The following STK39 variants were observed in gnomAD, a reference collection of about 807,000 sequenced individuals.
The protein encoded by STK39 is STE20/SPS1-related proline-alanine-rich protein kinase.
In STK39, 20 loss-of-function variants were observed where a neutral mutation model predicts 77.8. That is an observed-to-expected ratio of 0.26 (90% confidence interval 0.18 to 0.37). STK39 has a LOEUF of 0.37. STK39 is among the 10% of genes least tolerant of loss of function. The pLI, the probability that STK39 is intolerant of heterozygous loss-of-function variation, is 1.00. For missense variants in STK39, 479 were observed against 656.5 expected (o/e 0.73, Z 2.95); for synonymous variants, 246 against 234.1 (o/e 1.05, Z -0.47).
intron 1 of STK39, among the ~76,000 whole-genome samples, chr2:168,214,006 T>C (rs1689960216): frequency 6.6e-6 from 1 of 152,044 alleles, no homozygotes; most frequent in Non-Finnish European, 1.5e-5. Flanking sequence ...TAATGTTGTG[T>C]GGAAAAAGGC....
chr2:168,203,793 C>A (rs112282479), intron 1 of STK39, among the ~76,000 whole-genome samples: 31 of 152,226 alleles, frequency 2.0e-4, no homozygotes, highest in Non-Finnish European at 4.1e-4. Flanking sequence ...GGGGTTTCAC[C>A]ATACTGGTCA....
In STK39 at chr2:168,138,831, C is replaced by T. The variant is rs1035686622; in HGVS notation, c.841-610G>A. Among the ~76,000 whole-genome samples the T allele has an allele frequency of 3.3e-5, 5 of 152,148 alleles. No homozygotes were observed. In the East Asian group the frequency reaches 9.6e-4, roughly 29 times the overall value. On this transcript the variant is annotated intron_variant, in intron 7 of 17. Coordinates refer to ENST00000355999, the MANE Select transcript of STK39 (RefSeq NM_013233.3). ...ACTGTCATCAAATCCAAAGTCCTTG[C>T]TGCTTTCGGAGGGGGACAAAACAAA...
chr2:167,994,053 A>G (rs1683768359), intron 16 of STK39, among the ~76,000 whole-genome samples: 1 of 152,216 alleles, frequency 6.6e-6, no homozygotes, highest in Admixed American at 6.5e-5. Context: ...TTCATATGTC[A>G]TTCTGGAATA....
At chr2:168,019,026 A>G (rs558911542) in intron 14 of STK39, among the ~76,000 whole-genome samples, 28 of 152,080 alleles carry the variant, frequency 1.8e-4, no homozygotes, top group Admixed American at 1.8e-3. Flanking sequence ...CCGAGATATG[A>G]GAGCCTTGGA....
chr2:168,064,415 G>A (rs953854968), intron 13 of STK39, among the ~76,000 whole-genome samples: 2 of 152,046 alleles, frequency 1.3e-5, no homozygotes, highest in African/African-American at 2.4e-5. Context: ...GACCTAAACC[G>A]AATCCTGACT....
At chr2:168,093,712 C>T (rs1334864924) in intron 10 of STK39, among the ~76,000 whole-genome samples, 2 of 152,184 alleles carry the variant, frequency 1.3e-5, no homozygotes, top group Non-Finnish European at 2.9e-5. Flanking sequence ...CAACCTGACC[C>T]CTGCTTCCAG....
intron 16 of STK39, among the ~76,000 whole-genome samples, chr2:167,966,349 C>T (rs1054546435): frequency 2.0e-5 from 3 of 152,188 alleles, no homozygotes; most frequent in Non-Finnish European, 2.9e-5. Context: ...TGTCAGGGCA[C>T]TCTGACTACA....
intron 16 of STK39, among the ~76,000 whole-genome samples, chr2:168,005,891 T>C (rs1684121262): frequency 6.6e-6 from 1 of 152,182 alleles, no homozygotes; most frequent in African/African-American, 2.4e-5. Context: ...CATGGGGGCA[T>C]GAACAATAGT....
At chr2:168,075,281 T>C (rs201468110) in intron 10 of STK39, 50 bp from the exon 11 acceptor site, 6 of 1,607,842 alleles carry the variant, frequency 3.7e-6, no homozygotes, top group African/African-American at 1.3e-5. Flanking sequence ...ATGTGAACCA[T>C]TTCACTGGTG....
At chr2:167,983,498 AAGG>A (rs1283579738) in intron 16 of STK39, among the ~76,000 whole-genome samples, 7 of 142,086 alleles carry the variant, frequency 4.9e-5, no homozygotes, top group Non-Finnish European at 9.0e-5. Context: ...GGAAGGAAGG[AAGG>A]AAGGAAGGAA....
chr2:168,159,068 A>G (rs1688505654), intron 5 of STK39, among the ~76,000 whole-genome samples: 1 of 152,186 alleles, frequency 6.6e-6, no homozygotes, highest in Non-Finnish European at 1.5e-5. Flanking sequence ...TTCCCCTAAA[A>G]AAAAACAAAA....
At chr2:168,195,491 G>T (rs1689445675) in intron 1 of STK39, among the ~76,000 whole-genome samples, 1 of 152,172 alleles carries the variant, frequency 6.6e-6, no homozygotes, top group Non-Finnish European at 1.5e-5. Flanking sequence ...ATAAAGTCTG[G>T]TCGGTGGCCA....
At chr2:168,099,746 T>C (rs1686771199) in intron 10 of STK39, among the ~76,000 whole-genome samples, 1 of 152,232 alleles carries the variant, frequency 6.6e-6, no homozygotes, top group Non-Finnish European at 1.5e-5. Flanking sequence ...AATTTCTTCA[T>C]GTCACAATAA....
At chr2:168,075,980 C>T (rs957827930) in intron 10 of STK39, among the ~76,000 whole-genome samples, 1 of 152,096 alleles carries the variant, frequency 6.6e-6, no homozygotes, top group Admixed American at 6.6e-5. Context: ...CAAGCTTTCC[C>T]AAATGTCTTT....
chr2:168,237,748 C>G (rs150963055), intron 1 of STK39, among the ~76,000 whole-genome samples: 8 of 152,256 alleles, frequency 5.3e-5, no homozygotes, highest in African/African-American at 1.9e-4. Flanking sequence ...GACAAAGCAG[C>G]TGGGATGGAT....
chr2:168,035,849 A>T (rs138381240), intron 14 of STK39, among the ~76,000 whole-genome samples: 147 of 152,156 alleles, frequency 9.7e-4, no homozygotes, highest in African/African-American at 3.4e-3. Context: ...TACCTACAAA[A>T]TCCCTACGCC....
intron 1 of STK39, among the ~76,000 whole-genome samples, chr2:168,236,112 A>G (rs1469744672): frequency 6.6e-6 from 1 of 151,822 alleles, no homozygotes; most frequent in Non-Finnish European, 1.5e-5. Flanking sequence ...CCTCTCCAGC[A>G]CCTGTTGTTT....
In STK39 at chr2:168,237,015, G is replaced by T. The variant is rs551569247; in HGVS notation, c.208+10213C>A. Among the ~76,000 whole-genome samples, 1,199 of 152,136 alleles carry T rather than the reference G, an allele frequency of 7.9e-3. 14 individuals are homozygous for T. The highest frequency in any genetic ancestry group is 0.022 in the African/African-American group (928 of 41,496). On this transcript the variant is annotated intron_variant, in intron 1 of 17. Transcript: ENST00000355999. ...TTGGTAGCTTGATGGGGATGGCATT[G>T]AATCTATAAATTACTTTGGGCAGTA...
At chr2:168,076,822 C>T (rs1209740797) in intron 10 of STK39, among the ~76,000 whole-genome samples, 2 of 152,008 alleles carry the variant, frequency 1.3e-5, no homozygotes, top group African/African-American at 4.8e-5. Flanking sequence ...TTGAGTTGCT[C>T]TAAAAGTCTT....
Sources: allele counts gnomAD v4.1 joint callset (sites outside exome capture counted in the v4.1 genomes callset), GRCh38; gene constraint gnomAD v4.1.1; transcripts MANE v1.5; gene names NCBI Gene and HGNC (gene_info 2026-07-23, HGNC 2026-07-21).